The following SPANXN4 variants were observed in gnomAD, a reference collection of about 807,000 sequenced individuals.
SPANXN4 encodes sperm protein associated with the nucleus on the X chromosome N4.
A neutral mutation model predicts 6.0 loss-of-function variants in SPANXN4; 5 were observed. The observed-to-expected ratio is 0.83, with a 90% CI of 0.44 to 1.75. The LOEUF (loss-of-function observed/expected upper bound fraction) is 1.75. Among genes scored for constraint, SPANXN4 ranks in the 40% most tolerant of loss-of-function variants. The pLI is 0.02. For missense variants in SPANXN4, 157 were observed against 108.6 expected, an observed-to-expected ratio of 1.45 and a Z score of -1.98; for synonymous variants, 45 against 38.0, an observed-to-expected ratio of 1.19 and a Z score of -0.68.
chrX:143,026,151 C>T (rs1380107047), intron 1 of SPANXN4, 59 bp downstream of exon 1: 8 of 1,049,429 alleles, frequency 7.6e-6, no homozygotes, highest in African/African-American at 1.9e-5. Flanking sequence ...ACAGATAGGG[C>T]GCGGGTCAAA....
At chrX:143,030,670 A>T (rs757327245) in intron 1 of SPANXN4, among the ~76,000 whole-genome samples, 2 of 111,204 alleles carry the variant, frequency 1.8e-5, no homozygotes, top group Non-Finnish European at 3.8e-5. Flanking sequence ...AATTCAGAGA[A>T]GTGTATGGTA....
exon 3 of SPANXN4, chrX:143,034,529 G>T (rs1281704948): frequency 8.7e-7 from 1 of 1,147,488 alleles, no homozygotes; most frequent in South Asian, 2.0e-5. Flanking sequence ...AAAGGATTTG[G>T]TGTTCCTTGG....
intron 1 of SPANXN4, among the ~76,000 whole-genome samples, chrX:143,029,575 G>A (rs150949590): frequency 0.023 from 2,517 of 111,163 alleles, 58 homozygotes; most frequent in African/African-American, 0.076. Flanking sequence ...GTTGGAAGCG[G>A]GAGGAGAGGA....
rs1932776839 is a variant in SPANXN4 at position 143,026,150 on chromosome X, G to A, written c.78+58G>A. ...GGTGAAAGAAAGACACACAGATAGGGCGCGGGTCAAACAGCAACACGGGTA... is the reference window on the plus strand; with the variant it reads ...GGTGAAAGAAAGACACACAGATAGGACGCGGGTCAAACAGCAACACGGGTA... On this transcript the variant is annotated intron_variant, in intron 1 of 2. Transcript: ENST00000370504. 3.8e-6 allele frequency: 4 copies of A among 1,059,335 alleles called. No homozygotes were observed. The African/African-American group carries it at 5.6e-5, about 15-fold the overall frequency. The allele number at this position is 1,059,335 out of a possible 1,213,427, so 87.3% of individuals were successfully genotyped here. A position where few individuals can be genotyped will look rare whatever the true frequency, so the allele number is the denominator to read the frequency against.
At chrX:143,034,723 A>G (rs1302134857), downstream of SPANXN4, 15 of 1,108,957 alleles carry the variant, frequency 1.4e-5, no homozygotes, top group Non-Finnish European at 1.8e-5. Flanking sequence ...CAAGAACCTC[A>G]CCCTACAGAA....
In SPANXN4 at chrX:143,026,857, G is replaced by A. The variant is rs7059969; in HGVS notation, c.78+765G>A. On this transcript the variant is annotated intron_variant, in intron 1 of 2. Coordinates refer to ENST00000370504, the Ensembl canonical transcript of SPANXN4. ...GAAAGATTAGGGGACCTAAGAAAGC[G>A]GCCCCCTGCTATCCCAGTGCTGAGT... 4.8e-3 allele frequency among the ~76,000 whole-genome samples: 536 copies of A among 111,752 alleles called. 6 individuals are homozygous for A. Among genetic ancestry groups the A allele is most frequent in the African/African-American group, 0.016 (489 of 30,742 alleles).
chrX:143,026,850 A>T (rs1932781792), intron 1 of SPANXN4, among the ~76,000 whole-genome samples: 1 of 111,904 alleles, frequency 8.9e-6, no homozygotes, highest in Non-Finnish European at 1.9e-5. Context: ...AGGGGACCTA[A>T]GAAAGCGGCC....
chrX:143,026,125 G>T, intron 1 of SPANXN4, 33 bp downstream of exon 1: 7 of 1,162,078 alleles, frequency 6.0e-6, no homozygotes, highest in Non-Finnish European at 7.0e-6. Context: ...GGAAGGTGAG[G>T]GTGAAAGAAA....
intron 1 of SPANXN4, among the ~76,000 whole-genome samples, chrX:143,030,962 G>T (rs143298067): frequency 0.072 from 8,035 of 111,498 alleles, 459 homozygotes; most frequent in African/African-American, 0.19. Flanking sequence ...TATTTTAACT[G>T]GGATGTTGTG....
At chrX:143,037,857 G>C (rs1445563661), downstream of SPANXN4, among the ~76,000 whole-genome samples, 1 of 110,939 alleles carries the variant, frequency 9.0e-6, no homozygotes, top group Admixed American at 9.6e-5. Flanking sequence ...AAGGTGCCTT[G>C]CTTCCCCTTC....
chrX:143,031,520 G>T (rs895714900), intron 1 of SPANXN4, among the ~76,000 whole-genome samples: 14 of 111,502 alleles, frequency 1.3e-4, no homozygotes, highest in South Asian at 1.2e-3. Context: ...TGATAACACA[G>T]ATGGGGCGAG....
chrX:143,034,810 A>G, downstream of SPANXN4: 1 of 982,829 alleles, frequency 1.0e-6, no homozygotes, highest in Non-Finnish European at 1.3e-6. Flanking sequence ...GCTTGTTAAG[A>G]AACTCTAGGT....
At chrX:143,033,610 G>C (rs1281962530) in intron 1 of SPANXN4, among the ~76,000 whole-genome samples, 1 of 111,557 alleles carries the variant, frequency 9.0e-6, no homozygotes, top group African/African-American at 3.3e-5. Flanking sequence ...ATATTCTTAT[G>C]ATCAGGTGGT....
At chrX:143,036,007 G>A (rs905360773), downstream of SPANXN4, among the ~76,000 whole-genome samples, 1 of 104,028 alleles carries the variant, frequency 9.6e-6, no homozygotes, top group Non-Finnish European at 2.0e-5. Flanking sequence ...ACGAGATCAG[G>A]TAATCTTTTT....
At position 143,034,356 on chromosome X, in the gene SPANXN4, G is replaced by A. The variant is rs149279277; in HGVS notation, c.283+124G>A. 2.5e-3 allele frequency: 2,527 copies of A among 1,030,393 alleles called. 47 individuals carry two copies. In the African/African-American group the frequency reaches 0.044, roughly 18 times the overall value. The allele number at this position is 1,030,393 out of a possible 1,213,427, so 84.9% of individuals were successfully genotyped here. A position where few individuals can be genotyped will look rare whatever the true frequency, so the allele number is the denominator to read the frequency against. ...CTTTTTTTCTGATGGTGGGGAGGAA[G>A]GGAAGGGAAAAGATAGGCATTTGAG... is the stretch of plus-strand genomic sequence containing the variant. On this transcript the variant is annotated intron_variant, in intron 2 of 2. Transcript: ENST00000370504.
At chrX:143,029,989 CA>C (rs1365679453) in intron 1 of SPANXN4, among the ~76,000 whole-genome samples, 2 of 110,571 alleles carry the variant, frequency 1.8e-5, no homozygotes, top group East Asian at 5.7e-4. Flanking sequence ...AATGTACATA[CA>C]AAGTAAAGGG....
intron 1 of SPANXN4, among the ~76,000 whole-genome samples, chrX:143,030,402 AG>A (rs1191445075): frequency 9.0e-6 from 1 of 110,598 alleles, no homozygotes; most frequent in Non-Finnish European, 1.9e-5. Flanking sequence ...TTGGACTGAC[AG>A]GTTATGGGAG....
downstream of SPANXN4, among the ~76,000 whole-genome samples, chrX:143,038,415 G>C (rs4557830): frequency 0.32 from 35,544 of 110,520 alleles, 4,200 homozygotes; most frequent in Admixed American, 0.41. Flanking sequence ...GTCTTTAGCT[G>C]ATGGCTACCT....
At chrX:143,026,086 T>G in exon 1 of SPANXN4, 1 of 1,204,960 alleles carries the variant, frequency 8.3e-7, no homozygotes, top group Non-Finnish European at 1.1e-6. Context: ...AAAGAAAAGT[T>G]GACAAGGTCA....
Sources: allele counts gnomAD v4.1 joint callset (sites outside exome capture counted in the v4.1 genomes callset), GRCh38; gene constraint gnomAD v4.1.1; transcripts MANE v1.5; gene names NCBI Gene and HGNC (gene_info 2026-07-23, HGNC 2026-07-21).